The following ARHGEF33 variants were observed in gnomAD, a reference collection of about 807,000 sequenced individuals.
ARHGEF33 encodes the protein DH and coiled-coil domain-containing protein ENSP00000381780.
ARHGEF33 carries 72 observed loss-of-function variants against 101.9 expected under a neutral mutation model. The ratio of observed to expected loss-of-function variants is 0.71; its 90% CI spans 0.58 to 0.86. The LOEUF (loss-of-function observed/expected upper bound fraction) is 0.86. ARHGEF33 is among the 40% of genes least tolerant of loss of function. The pLI, the probability that ARHGEF33 is intolerant of heterozygous loss-of-function variation, is 0.00. For missense variants in ARHGEF33, 1,169 were observed against 1,111.3 expected (o/e 1.05, Z -0.74); for synonymous variants, 499 against 442.5 (o/e 1.13, Z -1.60).
intron 2 of ARHGEF33, among the ~76,000 whole-genome samples, chr2:38,898,484 A>G (rs1281762042): frequency 2.0e-5 from 3 of 152,148 alleles, no homozygotes; most frequent in Non-Finnish European, 4.4e-5. Flanking sequence ...GTGACTTCCC[A>G]TTGACCCTTC....
At chr2:38,943,634 A>C (rs564800603) in intron 9 of ARHGEF33, among the ~76,000 whole-genome samples, 1 of 152,246 alleles carries the variant, frequency 6.6e-6, no homozygotes, top group Non-Finnish European at 1.5e-5. Context: ...TGCACTATCT[A>C]TATTGCCCCT....
chr2:38,915,453 C>T (rs1399557463), intron 2 of ARHGEF33, among the ~76,000 whole-genome samples: 2 of 147,130 alleles, frequency 1.4e-5, no homozygotes, highest in South Asian at 2.1e-4. Flanking sequence ...GGCGTGATCT[C>T]GGCTCACTGC....
chr2:38,959,897 T>G lies in ARHGEF33; in HGVS notation c.1592T>G (p.Met531Arg). Residue 531 changes from methionine to arginine, a missense_variant, in exon 16 of 18, where the codon ATG (methionine) becomes AGG (arginine). Transcript: ENST00000409978. ...SQQQQSLMES[M>R]QPGKPSDWEL... ...CAGCAGCAAAGCCTGATGGAGAGCA[T>G]GCAGCCCGGGAAGCCCAGTGACTGG... 6.4e-7 allele frequency: 1 copy of G among 1,551,860 alleles called. No homozygotes were observed. The highest frequency in any genetic ancestry group is 1.4e-5 in the African/African-American group (1 of 73,168).
At chr2:38,905,053 AG>A (rs921008440) in intron 2 of ARHGEF33, among the ~76,000 whole-genome samples, 1 of 152,140 alleles carries the variant, frequency 6.6e-6, no homozygotes, top group African/African-American at 2.4e-5. Context: ...TGGAACCTGA[AG>A]GGGGAGCCTG....
intron 11 of ARHGEF33, among the ~76,000 whole-genome samples, chr2:38,951,722 T>G (rs149017262): frequency 7.0e-4 from 107 of 151,998 alleles, no homozygotes; most frequent in Non-Finnish European, 1.3e-3. Context: ...TATACACACA[T>G]GAGATATATA....
chr2:38,964,092 C>T (rs1668003393), intron 16 of ARHGEF33, among the ~76,000 whole-genome samples: 1 of 151,956 alleles, frequency 6.6e-6, no homozygotes, highest in South Asian at 2.1e-4. Context: ...GAGAGTGACA[C>T]CTGAAGTGTG....
At position 38,937,386 on chromosome 2, in the gene ARHGEF33, C is replaced by T. The variant is rs377504175; in HGVS notation, c.617C>T (p.Ser206Leu). 1.7e-5 allele frequency: 25 copies of T among 1,460,780 alleles called. No homozygotes were observed. The highest frequency in any genetic ancestry group is 4.4e-5 in the African/African-American group (3 of 68,772). The allele number at this position is 1,460,780 out of a possible 1,614,324, so 90.5% of individuals were successfully genotyped here. The part of the protein sequence containing the change: ...EAEENLKSCL[S>L]ADIQSKGHLP... ...GAAGAAAACCTCAAGTCTTGCCTCT[C>T]GGCTGATATCCAGTCCAAGGGCCAT... Residue 206 changes from serine to leucine, a missense_variant, in exon 9 of 18, where the codon TCG (serine) becomes TTG (leucine). By Grantham distance (145) the Ser-to-Leu change is moderately radical (BLOSUM62 -2). Coordinates refer to ENST00000409978, the MANE Select transcript of ARHGEF33 (RefSeq NM_001145451.5).
chr2:38,897,741 C>T (rs1189025063), intron 2 of ARHGEF33, among the ~76,000 whole-genome samples: 1 of 152,152 alleles, frequency 6.6e-6, no homozygotes, highest in East Asian at 1.9e-4. Context: ...TATACCACAG[C>T]ACAGAAAAAC....
chr2:38,951,493 G>A (rs1255942667), intron 11 of ARHGEF33, among the ~76,000 whole-genome samples: 1 of 152,128 alleles, frequency 6.6e-6, no homozygotes, highest in Non-Finnish European at 1.5e-5. Flanking sequence ...TGGGCCGGGT[G>A]TGGTGGCTCG....
rs562649817 is a variant in ARHGEF33 at position 38,952,418 on chromosome 2, G to T, written c.1054-744G>T. On this transcript the variant is annotated intron_variant, in intron 11 of 17. Transcript: ENST00000409978. ...ATAAATATGTAATTAGTGGAAATAT[G>T]CAATTACTAGAAAATGTTGTGAACT... is the stretch of plus-strand genomic sequence containing the variant. 4.6e-5 allele frequency among the ~76,000 whole-genome samples: 7 copies of T among 152,298 alleles called. No individual in the cohort carries two copies. In the South Asian group the frequency reaches 1.4e-3, roughly 32 times the overall value.
At chr2:38,923,046 A>C (rs1444095731) in intron 4 of ARHGEF33, among the ~76,000 whole-genome samples, 1 of 152,166 alleles carries the variant, frequency 6.6e-6, no homozygotes, top group Non-Finnish European at 1.5e-5. Context: ...ACCTCTTTAA[A>C]GTCAGGTATG....
chr2:38,971,849 C>T (rs1668173415), intron 17 of ARHGEF33: 3 of 718,290 alleles, frequency 4.2e-6, no homozygotes, highest in South Asian at 1.5e-5. Context: ...CTAGACAGGG[C>T]GATTTTGGCA....
intron 2 of ARHGEF33, among the ~76,000 whole-genome samples, chr2:38,897,666 T>C (rs1021885124): frequency 1.3e-5 from 2 of 152,212 alleles, no homozygotes; most frequent in African/African-American, 2.4e-5. Context: ...CCTGAACTTG[T>C]AGAAGTGAGA....
intron 2 of ARHGEF33, among the ~76,000 whole-genome samples, chr2:38,904,989 G>A (rs146698083): frequency 6.6e-6 from 1 of 152,240 alleles, no homozygotes; most frequent in East Asian, 1.9e-4. Flanking sequence ...GATGAGAGGC[G>A]ATCATTCCGA....
At chr2:38,944,852 T>C (rs1335848308) in intron 10 of ARHGEF33, among the ~76,000 whole-genome samples, 1 of 147,576 alleles carries the variant, frequency 6.8e-6, no homozygotes, top group Non-Finnish European at 1.5e-5. Context: ...ATGTGGGTGA[T>C]CTTATGGTAC....
At chr2:38,917,769 C>T (rs552976290) in intron 2 of ARHGEF33, among the ~76,000 whole-genome samples, 2 of 150,204 alleles carry the variant, frequency 1.3e-5, no homozygotes, top group African/African-American at 4.9e-5. Flanking sequence ...TTCAAGGCTC[C>T]AGTGAGCCAT....
Position 38,960,631 on chromosome 2 carries a change from T to A in ARHGEF33, c.2326T>A (p.Tyr776Asn). The A allele has an allele frequency of 1.4e-6, 2 of 1,413,882 alleles. No homozygotes were observed. The highest frequency in any genetic ancestry group is 2.6e-5 in the South Asian group (2 of 78,386). The allele number at this position is 1,413,882 out of a possible 1,614,324, so 87.6% of individuals were successfully genotyped here. Residue 776 changes from tyrosine to asparagine, a missense_variant, in exon 16 of 18, where the codon TAT (tyrosine) becomes AAT (asparagine). Coordinates refer to ENST00000409978, the MANE Select transcript of ARHGEF33 (RefSeq NM_001145451.5). ...QQRSQSEKQT[Y>N]LEVRREMHLE... ...GAGGTCCCAAAGCGAAAAACAGACCTATTTGGAAGTAAGGAGGGTAAAGTA... is the reference window on the plus strand; with the variant it reads ...GAGGTCCCAAAGCGAAAAACAGACCAATTTGGAAGTAAGGAGGGTAAAGTA...
chr2:38,917,678 A>T (rs1419259613), intron 2 of ARHGEF33, among the ~76,000 whole-genome samples: 1 of 151,878 alleles, frequency 6.6e-6, no homozygotes, highest in Non-Finnish European at 1.5e-5. Context: ...AAAATAAAAA[A>T]ATTAGCCAGG....
chr2:38,971,233 A>T (rs1195296404), intron 17 of ARHGEF33, among the ~76,000 whole-genome samples: 6 of 152,220 alleles, frequency 3.9e-5, no homozygotes, highest in African/African-American at 1.4e-4. Flanking sequence ...TAGACTTGGT[A>T]TGACCTACTG....
Sources: allele counts gnomAD v4.1 joint callset (sites outside exome capture counted in the v4.1 genomes callset), GRCh38; gene constraint gnomAD v4.1.1; transcripts MANE v1.5; gene names NCBI Gene and HGNC (gene_info 2026-07-23, HGNC 2026-07-21).